The following STT3A variants were observed in gnomAD, a reference collection of about 807,000 sequenced individuals.
STT3A encodes the protein dolichyl-diphosphooligosaccharide--protein glycosyltransferase subunit STT3A.
Under a neutral mutation model 89.2 loss-of-function variants are expected in STT3A, and 34 were observed. The observed-to-expected ratio is 0.38, with a 90% CI of 0.29 to 0.51. The LOEUF (loss-of-function observed/expected upper bound fraction) is 0.51, where lower values mean the gene tolerates loss of function less well. Among genes scored for constraint, STT3A ranks in the 20% least tolerant of loss-of-function variants. The pLI is 0.89. For synonymous variants in STT3A, 282 were observed against 310.3 expected, an observed-to-expected ratio of 0.91 and a Z score of 0.96; for missense variants, 555 against 889.5, an observed-to-expected ratio of 0.62 and a Z score of 4.78.
In STT3A at chr11:125,612,640, A is replaced by G; in HGVS notation, c.1258A>G (p.Ile420Val). Residue 420 changes from isoleucine to valine, a missense_variant, in exon 12 of 18, where the codon ATT becomes GTT. Physicochemically the swap from Ile to Val is conservative, Grantham distance 29 (BLOSUM62 3). Around this residue, in one of 5 missense-constraint regions of STT3A, gnomAD observed 273 missense variants for 449.8 expected, o/e 0.61. Coordinates refer to ENST00000392708, the MANE Select transcript of STT3A (RefSeq NM_152713.5). ...LAPVMCILSG[I>V]GVSQVLSTYM... ...ACCTGTTATGTGCATTCTCTCTGGCATTGGAGTCTCCCAGGTGCTGTCCAC... is the reference window on the plus strand; with the variant it reads ...ACCTGTTATGTGCATTCTCTCTGGCGTTGGAGTCTCCCAGGTGCTGTCCAC... 1.9e-6 allele frequency: 3 copies of G among 1,614,180 alleles called. No homozygotes were observed. The highest frequency in any genetic ancestry group is 2.7e-5 in the African/African-American group (2 of 75,038).
Position 125,618,373 on chromosome 11 carries a change from A to G in STT3A, c.1775A>G (p.Asp592Gly). Residue 592 changes from aspartate to glycine, a missense_variant and splice_region_variant, in exon 16 of 18, where the codon GAT (aspartate) becomes GGT (glycine). Coordinates refer to ENST00000392708, the MANE Select transcript of STT3A (RefSeq NM_152713.5). ...AGTTCTTTTTTTTTTTTTCTCCTAG[A>G]TATCAACAAGTTTCTTTGGATGGTC... ...FGGLTGYSSD[D>G]INKFLWMVRI... 6.3e-7 allele frequency: 1 copy of G among 1,576,714 alleles called. No homozygotes were observed. The highest frequency in any genetic ancestry group is 8.6e-7 in the Non-Finnish European group (1 of 1,165,702).
In STT3A at chr11:125,620,173, A is replaced by G. The variant is rs758349866; in HGVS notation, c.2079+47A>G. On this transcript the variant is annotated intron_variant, in intron 17 of 17. Transcript: ENST00000392708. ...CAGAAAGCAACTTTTATTTTTGGAG[A>G]TTGGTTTCAATGCTTATAAAATGGG... 3.5e-6 allele frequency: 5 copies of G among 1,444,700 alleles called. No homozygotes were observed. In the Admixed American group the frequency reaches 8.8e-5, roughly 25 times the overall value. The allele number at this position is 1,444,700 out of a possible 1,614,324, so 89.5% of individuals were successfully genotyped here. A position where few individuals can be genotyped will look rare whatever the true frequency, so the allele number is the denominator to read the frequency against.
At chr11:125,608,418 G>A (rs1048827291) in intron 9 of STT3A, 129 bp downstream of exon 9, 8 of 954,332 alleles carry the variant, frequency 8.4e-6, no homozygotes, top group Admixed American at 6.7e-5. Flanking sequence ...AGGTTCAAGC[G>A]ATTCTCCTGC....
chr11:125,613,250 T>C lies in STT3A; in HGVS notation c.1554+73T>C, dbSNP rs1384271624. On this transcript the variant is annotated intron_variant, in intron 13 of 17. Coordinates refer to ENST00000392708, the MANE Select transcript of STT3A (RefSeq NM_152713.5). This position sits in a 1 kb window ranked among gnomAD's most constrained non-coding sequence, Gnocchi z 4.2. ...AGACATTTGATGTTACAGTGAATCATACAGCTTTTAGATGGGTGGAAAGCT... is the reference window on the plus strand; with the variant it reads ...AGACATTTGATGTTACAGTGAATCACACAGCTTTTAGATGGGTGGAAAGCT... 1.3e-6 allele frequency: 2 copies of C among 1,533,254 alleles called. No individual in the cohort carries two copies. Among genetic ancestry groups the C allele is most frequent in the Non-Finnish European group, 1.8e-6 (2 of 1,122,254 alleles). The allele number at this position is 1,533,254 out of a possible 1,614,324, so 95.0% of individuals were successfully genotyped here.
At chr11:125,593,844 C>T (rs1010283876) in intron 1 of STT3A, 1 of 141,378 alleles carries the variant, frequency 7.1e-6, no homozygotes, top group East Asian at 2.1e-4. Flanking sequence ...ATATGCCTTC[C>T]ACCTAGTCCA....
rs532548763 is a variant in STT3A at position 125,615,888 on chromosome 11, A to T, written c.1774+1462A>T. 1.9e-4 allele frequency among the ~76,000 whole-genome samples: 29 copies of T among 152,236 alleles called. 1 individual carries two copies. Among genetic ancestry groups the T allele is most frequent in the African/African-American group, 6.5e-4 (27 of 41,538 alleles). ...CCCGTCTCTACTAAAAAAATACAAA[A>T]ATTAGCCACATGTGGTGGCACATAC... is the stretch of plus-strand genomic sequence containing the variant. On this transcript the variant is annotated intron_variant, in intron 15 of 17. Transcript: ENST00000392708.
At chr11:125,616,254 A>G (rs910411558) in intron 15 of STT3A, among the ~76,000 whole-genome samples, 2 of 152,204 alleles carry the variant, frequency 1.3e-5, no homozygotes, top group South Asian at 2.1e-4. Flanking sequence ...GTATTTGTAT[A>G]TAATATACAC....
chr11:125,608,335 A>G (rs1289584065), intron 9 of STT3A, 46 bp downstream of exon 9: 5 of 1,538,754 alleles, frequency 3.2e-6, no homozygotes. Flanking sequence ...TTTTTTTAAG[A>G]TGGAGTTTCG....
chr11:125,605,280 A>C (rs1939798999), intron 6 of STT3A, among the ~76,000 whole-genome samples: 1 of 152,176 alleles, frequency 6.6e-6, no homozygotes, highest in Non-Finnish European at 1.5e-5. Context: ...TAAGACATAG[A>C]GGCAGGATGA....
chr11:125,592,661 G>C, upstream of STT3A: 1 of 364,664 alleles, frequency 2.7e-6, no homozygotes, highest in Non-Finnish European at 5.4e-6. Context: ...CAGCTCGGCG[G>C]GAGCATACAG....
chr11:125,612,119 A>T (rs1254359926), intron 11 of STT3A, among the ~76,000 whole-genome samples: 5 of 151,700 alleles, frequency 3.3e-5, no homozygotes, highest in Non-Finnish European at 7.4e-5. Flanking sequence ...CAGGTGATCC[A>T]CCCGCCTTGG....
At chr11:125,605,516 TA>T (rs1013472506) in intron 6 of STT3A, 112 bp from the exon 7 acceptor site, 1 of 684,994 alleles carries the variant, frequency 1.5e-6, no homozygotes, top group Non-Finnish European at 2.4e-6. Context: ...ATAATTTGCC[TA>T]AAATTACACT....
At chr11:125,606,676 A>G (rs918143228) in intron 8 of STT3A, among the ~76,000 whole-genome samples, 2 of 152,180 alleles carry the variant, frequency 1.3e-5, no homozygotes, top group Non-Finnish European at 2.9e-5. Flanking sequence ...TTTGAATTCC[A>G]TGGCTCTTAC....
intron 5 of STT3A, among the ~76,000 whole-genome samples, chr11:125,603,826 T>C (rs77584313): frequency 0.047 from 7,165 of 152,304 alleles, 210 homozygotes; most frequent in Middle Eastern, 0.085. Flanking sequence ...GTACAGATAT[T>C]GTTAGGGGTA....
chr11:125,615,486 T>C lies in STT3A; in HGVS notation c.1774+1060T>C, dbSNP rs560785239. 2.0e-4 allele frequency among the ~76,000 whole-genome samples: 30 copies of C among 152,062 alleles called. No homozygotes were observed. The South Asian group carries it at 5.8e-3, about 29-fold the overall frequency. ...CAACCAACCACAAATGGAAAATATT[T>C]GTGAAAAAAAATCATAATACAACAA... On this transcript the variant is annotated intron_variant, in intron 15 of 17. Coordinates refer to ENST00000392708, the MANE Select transcript of STT3A (RefSeq NM_152713.5).
At chr11:125,605,887 A>G in intron 7 of STT3A, 152 bp downstream of exon 7, 1 of 616,760 alleles carries the variant, frequency 1.6e-6, no homozygotes, top group Non-Finnish European at 2.8e-6. Context: ...TTACGTATAC[A>G]TGTAGACTTC....
chr11:125,620,591 G>T (rs570016325), intron 17 of STT3A, among the ~76,000 whole-genome samples, 181 bp from the exon 18 acceptor site: 5 of 152,234 alleles, frequency 3.3e-5, no homozygotes, highest in African/African-American at 1.2e-4. Flanking sequence ...CCTCACAGAG[G>T]TATTCCAAAA....
chr11:125,596,763 T>C (rs1273343884), intron 2 of STT3A, among the ~76,000 whole-genome samples: 1 of 152,158 alleles, frequency 6.6e-6, no homozygotes, highest in African/African-American at 2.4e-5. Context: ...TCAGCGTATA[T>C]AAAAGATGAC....
chr11:125,612,252 T>C (rs1287254679), intron 11 of STT3A, among the ~76,000 whole-genome samples: 1 of 152,236 alleles, frequency 6.6e-6, no homozygotes, highest in Non-Finnish European at 1.5e-5. Context: ...TTGTTAATAC[T>C]GTATTGTTTA....
Sources: allele counts gnomAD v4.1 joint callset (sites outside exome capture counted in the v4.1 genomes callset), GRCh38; gene constraint gnomAD v4.1.1; regional missense constraint gnomAD v4.1.1; non-coding constraint Gnocchi (gnomAD v3.1); transcripts MANE v1.5; gene names NCBI Gene and HGNC (gene_info 2026-07-23, HGNC 2026-07-21).